MVB12B: variants seen among roughly 807,000 people sequenced by gnomAD.
The protein encoded by MVB12B is ESCRT-I complex subunit MVB12B.
In MVB12B, 16 loss-of-function variants were observed where a neutral mutation model predicts 41.6. The observed-to-expected ratio is 0.38, with a 90% CI of 0.26 to 0.58. MVB12B has a LOEUF of 0.58. Ranked by LOEUF, MVB12B falls within the 20% of genes least tolerant of loss-of-function variation. MVB12B has a pLI of 0.62. For missense variants in MVB12B, 274 were observed against 380.2 expected (o/e 0.72, Z 2.32); for synonymous variants, 133 against 139.7 (o/e 0.95, Z 0.34).
intron 5 of MVB12B, among the ~76,000 whole-genome samples, chr9:126,393,995 A>G (rs1831033128): frequency 6.6e-6 from 1 of 152,248 alleles, no homozygotes; most frequent in Non-Finnish European, 1.5e-5. Flanking sequence ...TGAAGCATGC[A>G]GGGAGCAGGT....
At chr9:126,492,445 TTGGAAGTCCCACCAG>T (rs1833753186) in intron 9 of MVB12B, among the ~76,000 whole-genome samples, 1 of 152,044 alleles carries the variant, frequency 6.6e-6, no homozygotes, top group Non-Finnish European at 1.5e-5. Flanking sequence ...GGCGGGGCTA[TTGGAAGTCCCACCAG>T]TGGTGCCTGA....
At chr9:126,403,834 G>A (rs1831337682) in intron 6 of MVB12B, among the ~76,000 whole-genome samples, 1 of 152,040 alleles carries the variant, frequency 6.6e-6, no homozygotes, top group Non-Finnish European at 1.5e-5. Context: ...ACATAGGACT[G>A]GACATCATAT....
At chr9:126,404,197 C>T (rs1473951585) in intron 6 of MVB12B, among the ~76,000 whole-genome samples, 1 of 152,078 alleles carries the variant, frequency 6.6e-6, no homozygotes, top group Non-Finnish European at 1.5e-5. Flanking sequence ...TCAAGTGATC[C>T]GCCTGCCTCG....
rs576201339 is a variant in MVB12B, at chr9:126,419,029, C to T, written c.663-2825C>T. ...TTGACCACCCAACAGCTCGGCTGGC[C>T]CCATTTTCTCCTCTGCCTCCTGGCT... On this transcript the variant is annotated intron_variant, in intron 6 of 9. Transcript: ENST00000361171. 3.0e-4 allele frequency among the ~76,000 whole-genome samples: 46 copies of T among 152,302 alleles called. No individual in the cohort carries two copies. In the South Asian group the frequency reaches 9.3e-3, roughly 31 times the overall value.
intron 9 of MVB12B, among the ~76,000 whole-genome samples, chr9:126,491,211 C>T (rs899714558): frequency 6.6e-6 from 1 of 152,210 alleles, no homozygotes; most frequent in Non-Finnish European, 1.5e-5. Context: ...AACTTTTAGA[C>T]GTCCGCATTG....
In MVB12B at chr9:126,481,443, C is replaced by T. The variant is rs771030034; in HGVS notation, c.813+19C>T. ...AGAAAGTGTAAGTTTTATGCATGAT[C>T]GCCCTTCCCCTCTGCCACCCCCCAG... On this transcript the variant is annotated intron_variant, in intron 8 of 9. Transcript: ENST00000361171. The T allele has an allele frequency of 3.1e-5, 50 of 1,599,068 alleles. No homozygotes were observed. The highest frequency in any genetic ancestry group is 1.2e-4 in the South Asian group (11 of 90,784).
chr9:126,347,936 G>A (rs1829644306), intron 2 of MVB12B, among the ~76,000 whole-genome samples: 1 of 152,200 alleles, frequency 6.6e-6, no homozygotes, highest in Admixed American at 6.5e-5. Flanking sequence ...GGAGGATAGC[G>A]GCAGCCCAAA....
intron 2 of MVB12B, among the ~76,000 whole-genome samples, chr9:126,346,971 GT>G (rs1363252997): frequency 6.6e-6 from 1 of 152,238 alleles, no homozygotes. Context: ...ACAACGAGAG[GT>G]TGAGAGTGCA....
rs916321197 is a variant in MVB12B at position 126,505,787 on chromosome 9, G to A, written c.*2524G>A. On this transcript the variant is annotated 3_prime_UTR_variant, in exon 10 of 10. Transcript: ENST00000361171. Reference sequence around the variant, plus strand: ...TGGCTCAAACCTAGGAATTGAGAGCGTTTCTGTCTTTTGGGAGAGTACTTT... The same window carrying A: ...TGGCTCAAACCTAGGAATTGAGAGCATTTCTGTCTTTTGGGAGAGTACTTT... The A allele has an allele frequency of 2.6e-5, 4 of 152,146 alleles. No individual in the cohort carries two copies. The highest frequency in any genetic ancestry group is 1.3e-4 in the Admixed American group (2 of 15,274). 9.4% of individuals were successfully genotyped at this position (152,146 alleles called of 1,614,324 possible).
At chr9:126,441,383 G>A (rs181783841) in intron 7 of MVB12B, among the ~76,000 whole-genome samples, 27 of 152,276 alleles carry the variant, frequency 1.8e-4, no homozygotes, top group Non-Finnish European at 1.5e-5. Context: ...ACTTTATAAG[G>A]GGAAAAGAGA....
chr9:126,455,883 CTTTCTT>C (rs1468363497), intron 7 of MVB12B, among the ~76,000 whole-genome samples: 68 of 121,380 alleles, frequency 5.6e-4, no homozygotes, highest in Admixed American at 1.6e-3. Context: ...TTCTTTCTTT[CTTTCTT>C]TTTTTTTTTT....
In MVB12B at chr9:126,348,062, G is replaced by A. The variant is rs558751330; in HGVS notation, c.204+7432G>A. On this transcript the variant is annotated intron_variant, in intron 2 of 9. Coordinates refer to ENST00000361171, the MANE Select transcript of MVB12B (RefSeq NM_033446.3). Reference sequence around the variant, plus strand: ...TTCCTGAGCACAGGGCTTTGCTATCGTGGGGCTACTAACTGCAGAAATAAC... The same window carrying A: ...TTCCTGAGCACAGGGCTTTGCTATCATGGGGCTACTAACTGCAGAAATAAC... Among the ~76,000 whole-genome samples the A allele has an allele frequency of 6.8e-4, 104 of 152,346 alleles. 1 individual carries two copies. The South Asian group carries it at 0.021, about 31-fold the overall frequency.
intron 2 of MVB12B, among the ~76,000 whole-genome samples, chr9:126,343,924 A>G (rs922163716): frequency 1.3e-5 from 2 of 152,176 alleles, no homozygotes; most frequent in African/African-American, 4.8e-5. Flanking sequence ...CTCTAAATAA[A>G]TAAATTAATT....
At position 126,503,213 on chromosome 9, in the gene MVB12B, GCCAGGCT is replaced by G; in HGVS notation, c.913_919del (p.Leu306ProfsTer72). On this transcript the variant is annotated frameshift_variant, in exon 10 of 10. Coordinates refer to ENST00000361171, the MANE Select transcript of MVB12B (RefSeq NM_033446.3). LOFTEE classifies it high-confidence loss of function. ...CTTCCGCACAGAGCAGAGCGCAGCC[GCCAGGCT>G]CCCGCCCAGCCCCACCAGGTGTCAG... 1 of 1,550,762 alleles carries G rather than the reference GCCAGGCT, an allele frequency of 6.4e-7. No individual in the cohort carries two copies. The highest frequency in any genetic ancestry group is 8.7e-7 in the Non-Finnish European group (1 of 1,147,080).
At chr9:126,439,479 T>A (rs1309665907) in intron 7 of MVB12B, among the ~76,000 whole-genome samples, 1 of 152,232 alleles carries the variant, frequency 6.6e-6, no homozygotes, top group Non-Finnish European at 1.5e-5. Context: ...ATATTTTTGG[T>A]TAAACTCTTA....
At chr9:126,356,079 A>C (rs1244514607) in intron 2 of MVB12B, among the ~76,000 whole-genome samples, 1 of 152,184 alleles carries the variant, frequency 6.6e-6, no homozygotes, top group African/African-American at 2.4e-5. Flanking sequence ...ACTTAGAGTC[A>C]TGTTTTCAAG....
rs1354260350 is a variant in MVB12B at position 126,503,556 on chromosome 9, C to G, written c.*293C>G. The stretch of plus-strand genomic sequence containing the variant: ...GACCAGTTGTCCTCCAAAAACCTCA[C>G]TCACCACGGAGTCACCCTGAGGGCC... On this transcript the variant is annotated 3_prime_UTR_variant, in exon 10 of 10. Coordinates refer to ENST00000361171, the MANE Select transcript of MVB12B (RefSeq NM_033446.3). The G allele has an allele frequency of 6.5e-6, 3 of 463,584 alleles. No individual in the cohort carries two copies. In the East Asian group the frequency reaches 1.2e-4, roughly 18 times the overall value. 28.7% of individuals were successfully genotyped at this position (463,584 alleles called of 1,614,324 possible).
At position 126,351,955 on chromosome 9, in the gene MVB12B, A is replaced by AT. The variant is rs541764814; in HGVS notation, c.204+11335dup. On this transcript the variant is annotated intron_variant, in intron 2 of 9. Transcript: ENST00000361171. ...CTGTATCAATTAATATGATCATGTGATTTTTTTTTTCCTTTAAAGCTTGTT... is the reference window on the plus strand; with the variant it reads ...CTGTATCAATTAATATGATCATGTGATTTTTTTTTTTCCTTTAAAGCTTGTT... Among the ~76,000 whole-genome samples the AT allele has an allele frequency of 5.5e-3, 819 of 149,576 alleles. 5 individuals carry two copies. Among genetic ancestry groups the AT allele is most frequent in the Admixed American group, 5.4e-3 (81 of 15,018 alleles).
At chr9:126,396,455 A>G in intron 6 of MVB12B, 2 of 985,526 alleles carry the variant, frequency 2.0e-6, no homozygotes, top group Non-Finnish European at 2.4e-6. Context: ...GGATTGACAT[A>G]ACGTAAATGA....
Sources: gnomAD v4.1 joint callset for allele counts (sites outside exome capture counted in the v4.1 genomes callset) on GRCh38, gnomAD v4.1.1 for gene constraint, MANE v1.5 for transcripts, NCBI Gene and HGNC (gene_info 2026-07-23, HGNC 2026-07-21) for gene names.